Variants in ADAMTS3 observed in about 807,000 individuals in gnomAD.
The protein encoded by ADAMTS3 is A disintegrin and metalloproteinase with thrombospondin motifs 3.
Under a neutral mutation model 129.0 loss-of-function variants are expected in ADAMTS3, and 73 were observed. The ratio of observed to expected loss-of-function variants is 0.57; its 90% CI spans 0.47 to 0.69. The LOEUF is 0.69. Ranked by LOEUF, ADAMTS3 falls within the 30% of genes least tolerant of loss-of-function variation. The pLI is 0.00. For missense variants in ADAMTS3, 1,457 were observed against 1,514.5 expected (o/e 0.96, Z 0.63); for synonymous variants, 477 against 510.8 (o/e 0.93, Z 0.89).
chr4:72,299,983 G>C (rs1718909497), intron 17 of ADAMTS3, among the ~76,000 whole-genome samples: 1 of 152,166 alleles, frequency 6.6e-6, no homozygotes. Context: ...TATGCAAAGA[G>C]AGAAATGTGC....
chr4:72,283,794 A>G (rs547866251), intron 21 of ADAMTS3, 90 bp from the exon 22 acceptor site: 1 of 1,152,318 alleles, frequency 8.7e-7, no homozygotes, highest in African/African-American at 1.6e-5. Flanking sequence ...TGAATGTAAA[A>G]AGATTTAAGT....
intron 4 of ADAMTS3, among the ~76,000 whole-genome samples, chr4:72,372,663 TTTA>T (rs1721039119): frequency 6.6e-6 from 1 of 152,034 alleles, no homozygotes. Context: ...AAATTTGCTT[TTTA>T]TATGCTAGAT....
intron 3 of ADAMTS3, among the ~76,000 whole-genome samples, chr4:72,457,848 TTTG>T (rs35050154): frequency 7.3e-5 from 11 of 151,168 alleles, no homozygotes; most frequent in Middle Eastern, 3.4e-3. Flanking sequence ...ACTCTCTTGT[TTTG>T]TTGTTGTTGT....
At chr4:72,411,487 A>C (rs1722183801) in intron 4 of ADAMTS3, among the ~76,000 whole-genome samples, 1 of 152,032 alleles carries the variant, frequency 6.6e-6, no homozygotes, top group Non-Finnish European at 1.5e-5. Context: ...TCAGATTCTC[A>C]GTGATACACC....
intron 5 of ADAMTS3, among the ~76,000 whole-genome samples, chr4:72,335,758 T>C (rs1049034076): frequency 6.6e-6 from 1 of 152,188 alleles, no homozygotes; most frequent in Admixed American, 6.5e-5. Context: ...TGATACCCAA[T>C]AATAATTGTT....
intron 2 of ADAMTS3, among the ~76,000 whole-genome samples, chr4:72,557,035 C>CATTAAAGTTCCA: frequency 6.6e-6 from 1 of 151,810 alleles, no homozygotes; most frequent in East Asian, 1.9e-4. Flanking sequence ...ATCTAAAAGA[C>CATTAAAGTTCCA]TGGAATTCTC....
intron 4 of ADAMTS3, among the ~76,000 whole-genome samples, chr4:72,371,136 C>T (rs906465129): frequency 2.0e-4 from 30 of 152,230 alleles, no homozygotes; most frequent in Admixed American, 1.8e-3. Flanking sequence ...TTTTCTCATA[C>T]TGCCACAAGG....
chr4:72,418,055 T>A (rs1051822962), intron 3 of ADAMTS3, among the ~76,000 whole-genome samples: 3 of 152,056 alleles, frequency 2.0e-5, no homozygotes, highest in African/African-American at 7.2e-5. Context: ...ATAAAATACA[T>A]GCCTACTGAA....
At chr4:72,502,796 T>G (rs1015229567) in intron 3 of ADAMTS3, among the ~76,000 whole-genome samples, 1 of 152,076 alleles carries the variant, frequency 6.6e-6, no homozygotes, top group Non-Finnish European at 1.5e-5. Context: ...GGTATACACT[T>G]GCCATTGAGG....
At chr4:72,290,753 T>C in intron 20 of ADAMTS3, 102 bp downstream of exon 20, 1 of 1,244,612 alleles carries the variant, frequency 8.0e-7, no homozygotes. Flanking sequence ...CAGTAGTTTC[T>C]CAGTTCACAC....
chr4:72,358,888 C>T (rs950264088), intron 4 of ADAMTS3, among the ~76,000 whole-genome samples: 1 of 151,936 alleles, frequency 6.6e-6, no homozygotes, highest in Non-Finnish European at 1.5e-5. Context: ...GACTAATGTG[C>T]ATTACTAAAG....
At chr4:72,380,964 T>C (rs1242952137) in intron 4 of ADAMTS3, among the ~76,000 whole-genome samples, 1 of 152,190 alleles carries the variant, frequency 6.6e-6, no homozygotes, top group Non-Finnish European at 1.5e-5. Context: ...TCTAATTAAC[T>C]AATACGACTT....
rs1020103667 is a variant in ADAMTS3, at chr4:72,470,384, C to T, written c.505-55413G>A. On this transcript the variant is annotated intron_variant, in intron 3 of 21. Transcript: ENST00000286657. ...GTTTATATATATATATATACACACA[C>T]ACACACACACACACACACACACATT... Among the ~76,000 whole-genome samples the T allele has an allele frequency of 6.7e-3, 513 of 76,936 alleles. 2 individuals are homozygous for T. The highest frequency in any genetic ancestry group is 9.7e-3 in the African/African-American group (238 of 24,640). The allele number at this position is 76,936 out of a possible 152,430, so 50.5% of individuals were successfully genotyped here.
chr4:72,365,636 T>C (rs1351563970), intron 4 of ADAMTS3, among the ~76,000 whole-genome samples: 1 of 152,216 alleles, frequency 6.6e-6, no homozygotes, highest in Non-Finnish European at 1.5e-5. Flanking sequence ...TTTTCTGATA[T>C]ATGATAGTAA....
intron 3 of ADAMTS3, among the ~76,000 whole-genome samples, chr4:72,431,045 T>G (rs943095969): frequency 2.0e-5 from 3 of 152,042 alleles, no homozygotes; most frequent in African/African-American, 7.2e-5. Flanking sequence ...CTTTTTTTGT[T>G]AGACTTATTA....
chr4:72,402,687 G>C (rs1255824355), intron 4 of ADAMTS3, among the ~76,000 whole-genome samples: 1 of 152,104 alleles, frequency 6.6e-6, no homozygotes, highest in Non-Finnish European at 1.5e-5. Flanking sequence ...TAAAGACCCA[G>C]AATGAAGGTC....
intron 3 of ADAMTS3, among the ~76,000 whole-genome samples, chr4:72,469,559 AC>A (rs1393327852): frequency 6.6e-6 from 1 of 151,854 alleles, no homozygotes; most frequent in African/African-American, 2.4e-5. Flanking sequence ...CTAATCCCTC[AC>A]CTCTCCGTGA....
At chr4:72,418,109 G>T (rs1345582108) in intron 3 of ADAMTS3, among the ~76,000 whole-genome samples, 1 of 151,886 alleles carries the variant, frequency 6.6e-6, no homozygotes, top group South Asian at 2.1e-4. Context: ...GTAATTGACA[G>T]GGCAGTTGAT....
intron 17 of ADAMTS3, 130 bp from the exon 18 acceptor site, chr4:72,298,572 G>GT (rs1178884669): frequency 5.9e-6 from 4 of 676,004 alleles, no homozygotes; most frequent in African/African-American, 1.8e-5. Flanking sequence ...AAATTATAAT[G>GT]TTTTTATTTC....
Sources: allele counts gnomAD v4.1 joint callset (sites outside exome capture counted in the v4.1 genomes callset), GRCh38; gene constraint gnomAD v4.1.1; transcripts MANE v1.5; gene names NCBI Gene and HGNC (gene_info 2026-07-23, HGNC 2026-07-21).